Variants in MFSD6 observed in about 807,000 individuals in gnomAD.
The protein encoded by MFSD6 is major facilitator superfamily domain-containing protein 6.
A neutral mutation model predicts 56.3 loss-of-function variants in MFSD6; 26 were observed. The ratio of observed to expected loss-of-function variants is 0.46; its 90% confidence interval spans 0.34 to 0.64. The LOEUF is 0.64. MFSD6 is among the 30% of genes least tolerant of loss of function. The pLI is 0.01. For synonymous variants in MFSD6, 331 were observed against 366.9 expected, an observed-to-expected ratio of 0.90 and a Z score of 1.12; for missense variants, 750 against 986.2, an observed-to-expected ratio of 0.76 and a Z score of 3.21.
In MFSD6 at chr2:190,416,596, T is replaced by C. The variant is rs901012312; in HGVS notation, c.-54+1183T>C. On this transcript the variant is annotated intron_variant, in intron 2 of 7. Coordinates refer to ENST00000392328, the MANE Select transcript of MFSD6 (RefSeq NM_017694.4). This position sits in a 1 kb window ranked among gnomAD's most constrained non-coding sequence, Gnocchi z 4.1. ...AGCACAGATGGATGAAATACTAGCC[T>C]AGTTCAAGGGTGGTGCCAAATAATT... 3.9e-5 allele frequency among the ~76,000 whole-genome samples: 6 copies of C among 152,212 alleles called. No homozygotes were observed. Among genetic ancestry groups the C allele is most frequent in the African/African-American group, 1.4e-4 (6 of 41,446 alleles).
At position 190,494,732 on chromosome 2, in the gene MFSD6, G is replaced by T. The variant is rs764137625; in HGVS notation, c.1892-2707G>T. 2.6e-5 allele frequency among the ~76,000 whole-genome samples: 4 copies of T among 152,106 alleles called. No individual in the cohort carries two copies. The highest frequency in any genetic ancestry group is 1.3e-4 in the Admixed American group (2 of 15,258). ...ATAAATGTCTTTCACCACATAAACA[G>T]AATTAAAAACAAAAATCACATGATC... On this transcript the variant is annotated intron_variant, in intron 6 of 7. Coordinates refer to ENST00000392328, the MANE Select transcript of MFSD6 (RefSeq NM_017694.4). The surrounding 1 kb of genome is among the most constrained non-coding windows in gnomAD (Gnocchi z 5.7).
rs34375122 is a variant in MFSD6 at position 190,429,227 on chromosome 2, CGTGTGT to C, written c.-53-6733_-53-6728del. Among the ~76,000 whole-genome samples, 10 of 148,912 alleles carry C rather than the reference CGTGTGT, an allele frequency of 6.7e-5. No homozygotes were observed. In the East Asian group the frequency reaches 1.4e-3, roughly 21 times the overall value. On this transcript the variant is annotated intron_variant, in intron 2 of 7. Transcript: ENST00000392328. ...ATATATCTGTATAATTCTTTTGTTA[CGTGTGT>C]GTGTGTGTGTGTGTGTATACATATA...
rs1290592880 is a variant in MFSD6, at chr2:190,487,493, T to C, written c.1631-1164T>C. 6.6e-6 allele frequency among the ~76,000 whole-genome samples: 1 copy of C among 152,198 alleles called. No individual in the cohort carries two copies. The highest frequency in any genetic ancestry group is 6.5e-5 in the Admixed American group (1 of 15,272). On this transcript the variant is annotated intron_variant, in intron 4 of 7. Transcript: ENST00000392328. This position sits in a 1 kb window ranked among gnomAD's most constrained non-coding sequence, Gnocchi z 5.5. ...TGGGGAAAAGTAGAAATAATCTTAATGTCAAAGTAGGTGCCCTAGAATGGA... is the reference window on the plus strand; with the variant it reads ...TGGGGAAAAGTAGAAATAATCTTAACGTCAAAGTAGGTGCCCTAGAATGGA...
Position 190,425,214 on chromosome 2 carries a change from T to C in MFSD6, c.-54+9801T>C, listed in dbSNP as rs181050361. Among the ~76,000 whole-genome samples, 101 of 152,358 alleles carry C rather than the reference T, an allele frequency of 6.6e-4. No homozygotes were observed. Among genetic ancestry groups the C allele is most frequent in the African/African-American group, 2.4e-3 (99 of 41,586 alleles). ...CTTGTATCCTGTGAACTTGCTGAAC[T>C]CACTTATTAGTTCTAGAAGTTTATT... On this transcript the variant is annotated intron_variant, in intron 2 of 7. Coordinates refer to ENST00000392328, the MANE Select transcript of MFSD6 (RefSeq NM_017694.4). The surrounding 1 kb of genome is among the most constrained non-coding windows in gnomAD (Gnocchi z 4.3).
chr2:190,443,671 T>G lies in MFSD6; in HGVS notation c.1532+6110T>G, dbSNP rs1686467155. Reference sequence around the variant, plus strand: ...TTTCTGATGACCATAGATTTTCAAATGAAATGGAGTTATATCAAATTGGAA... The same window carrying G: ...TTTCTGATGACCATAGATTTTCAAAGGAAATGGAGTTATATCAAATTGGAA... On this transcript the variant is annotated intron_variant, in intron 3 of 7. Coordinates refer to ENST00000392328, the MANE Select transcript of MFSD6 (RefSeq NM_017694.4). This position sits in a 1 kb window ranked among gnomAD's most constrained non-coding sequence, Gnocchi z 4.2. Among the ~76,000 whole-genome samples, 2 of 152,230 alleles carry G rather than the reference T, an allele frequency of 1.3e-5. No individual in the cohort carries two copies. The highest frequency in any genetic ancestry group is 2.9e-5 in the Non-Finnish European group (2 of 68,050).
chr2:190,488,794 G>A lies in MFSD6; in HGVS notation c.1768G>A (p.Gly590Arg), dbSNP rs1250958313. 6 of 1,589,400 alleles carry A rather than the reference G, an allele frequency of 3.8e-6. No individual in the cohort carries two copies. Among genetic ancestry groups the A allele is most frequent in the Non-Finnish European group, 5.1e-6 (6 of 1,170,508 alleles). Residue 590 changes from glycine (G) to arginine (R), a missense_variant, in exon 5 of 8, where the codon GGA (glycine) becomes AGA (arginine). Transcript: ENST00000392328. The surrounding 1 kb of genome is among the most constrained non-coding windows in gnomAD (Gnocchi z 6.4). ...GLGRGCGAMI[G>R]GVLVNYFGAA... ...GGGAAGAGGATGTGGTGCCATGATC[G>A]GAGGCGTGTTAGTCAATTATTTTGG...
rs1470410546 is a variant in MFSD6, at chr2:190,443,152, G to T, written c.1532+5591G>T. ...ATCACCTGAGCCAGGAACCCTCTGTGGGTGTTCCTAGGTGGGCCTAAGACA... is the reference window on the plus strand; with the variant it reads ...ATCACCTGAGCCAGGAACCCTCTGTTGGTGTTCCTAGGTGGGCCTAAGACA... On this transcript the variant is annotated intron_variant, in intron 3 of 7. Transcript: ENST00000392328. This position sits in a 1 kb window ranked among gnomAD's most constrained non-coding sequence, Gnocchi z 4.2. 2.0e-5 allele frequency: 3 copies of T among 152,092 alleles called. No individual in the cohort carries two copies. Among genetic ancestry groups the T allele is most frequent in the Non-Finnish European group, 4.4e-5 (3 of 67,992 alleles). The allele number at this position is 152,092 out of a possible 1,614,324, so 9.4% of individuals were successfully genotyped here. A position where few individuals can be genotyped will look rare whatever the true frequency, so the allele number is the denominator to read the frequency against.
rs1270568937 is a variant in MFSD6, at chr2:190,436,708, C to G, written c.679C>G (p.Gln227Glu). ...AAACATGAACAGTGAACCCACTCTG[C>G]AGCCCCAGACAGGTGAAATTACTAA... ...APNMNSEPTL[Q>E]PQTGEITNRM... Residue 227 changes from glutamine to glutamate, a missense_variant, in exon 3 of 8, where the codon CAG becomes GAG. By Grantham distance (29) the Gln-to-Glu change is conservative. This residue lies in a region of MFSD6 where 376 missense variants were observed against 437.9 expected (regional missense o/e 0.86). Coordinates refer to ENST00000392328, the MANE Select transcript of MFSD6 (RefSeq NM_017694.4). The surrounding 1 kb of genome is among the most constrained non-coding windows in gnomAD (Gnocchi z 5.3). 6.2e-7 allele frequency: 1 copy of G among 1,614,090 alleles called. No individual in the cohort carries two copies. The highest frequency in any genetic ancestry group is 8.5e-7 in the Non-Finnish European group (1 of 1,180,050).
At position 190,488,671 on chromosome 2, in the gene MFSD6, G is replaced by C; in HGVS notation, c.1645G>C (p.Ala549Pro). Residue 549 changes from alanine to proline, a missense_variant, in exon 5 of 8, where the codon GCC (alanine) becomes CCC (proline). Around this residue, in one of 5 missense-constraint regions of MFSD6, gnomAD observed 125 missense variants for 223.1 expected, o/e 0.56. Coordinates refer to ENST00000392328, the MANE Select transcript of MFSD6 (RefSeq NM_017694.4). The surrounding 1 kb of genome is among the most constrained non-coding windows in gnomAD (Gnocchi z 6.4). ...TTCCTCTCCAGGAGTGACACACGCG[G>C]CCATCTGGGCAGCATGCATTTCTTA... ...MEVLQGVTHA[A>P]IWAACISYLS... is the part of the protein sequence containing the mutation. The C allele has an allele frequency of 3.9e-6, 6 of 1,557,060 alleles. No individual in the cohort carries two copies. Among genetic ancestry groups the C allele is most frequent in the Non-Finnish European group, 5.2e-6 (6 of 1,151,804 alleles).
In MFSD6 at chr2:190,495,548, T is replaced by G. The variant is rs1689624874; in HGVS notation, c.1892-1891T>G. On this transcript the variant is annotated intron_variant, in intron 6 of 7. Transcript: ENST00000392328. This position sits in a 1 kb window ranked among gnomAD's most constrained non-coding sequence, Gnocchi z 4.7. ...AGAGCCTGCATAGCCAAAGTGAGAC[T>G]AAGCAAAAAGAACAAATCTGGAGGC... 6.6e-6 allele frequency among the ~76,000 whole-genome samples: 1 copy of G among 152,158 alleles called. No individual in the cohort carries two copies. Among genetic ancestry groups the G allele is most frequent in the South Asian group, 2.1e-4 (1 of 4,834 alleles).
intron 3 of MFSD6, among the ~76,000 whole-genome samples, chr2:190,455,404 T>C (rs1365410323): frequency 6.6e-6 from 1 of 152,162 alleles, no homozygotes; most frequent in Non-Finnish European, 1.5e-5. Context: ...GAAAGCACCT[T>C]CTAAATTTCC....
Position 190,424,460 on chromosome 2 carries a change from C to T in MFSD6, c.-54+9047C>T, listed in dbSNP as rs373271626. On this transcript the variant is annotated intron_variant, in intron 2 of 7. Coordinates refer to ENST00000392328, the MANE Select transcript of MFSD6 (RefSeq NM_017694.4). This position sits in a 1 kb window ranked among gnomAD's most constrained non-coding sequence, Gnocchi z 5.9. ...AAGTGATTCTCCTGCCTCAGCCTCC[C>T]GAGTAGCTGGGATTACAGGCACATG... is the stretch of plus-strand genomic sequence containing the variant. Among the ~76,000 whole-genome samples, 3 of 152,018 alleles carry T rather than the reference C, an allele frequency of 2.0e-5. No homozygotes were observed. The highest frequency in any genetic ancestry group is 2.1e-4 in the South Asian group (1 of 4,804).
chr2:190,448,207 A>G (rs1559117302), intron 3 of MFSD6, among the ~76,000 whole-genome samples: 2 of 152,208 alleles, frequency 1.3e-5, no homozygotes, highest in African/African-American at 4.8e-5. Flanking sequence ...GGTTCCTGCA[A>G]ATTCCATTAC....
Position 190,489,743 on chromosome 2 carries a change from T to C in MFSD6, c.1793-25T>C. Reference sequence around the variant, plus strand: ...CTATCTGCATTTCTTGGAATTACTCTATAGAGTGCTGTTTGTTTTTATAGG... The same window carrying C: ...CTATCTGCATTTCTTGGAATTACTCCATAGAGTGCTGTTTGTTTTTATAGG... On this transcript the variant is annotated intron_variant, in intron 5 of 7. Transcript: ENST00000392328. The surrounding 1 kb of genome is among the most constrained non-coding windows in gnomAD (Gnocchi z 6.6). 2 of 1,602,258 alleles carry C rather than the reference T, an allele frequency of 1.2e-6. No homozygotes were observed. Among genetic ancestry groups the C allele is most frequent in the South Asian group, 2.2e-5 (2 of 90,300 alleles).
At chr2:190,419,938 C>G (rs866164880) in intron 2 of MFSD6, among the ~76,000 whole-genome samples, 7 of 152,276 alleles carry the variant, frequency 4.6e-5, no homozygotes, top group African/African-American at 1.7e-4. Context: ...AAAAAGTAAA[C>G]AAAGCCTTCC....
In MFSD6 at chr2:190,490,727, A is replaced by C. The variant is rs1256266270; in HGVS notation, c.1891+861A>C. ...ACTCAACTTTTTATGAAAAAGGTCA[A>C]CCAGGAGGATGAAAATATTTTTGCT... On this transcript the variant is annotated intron_variant, in intron 6 of 7. Transcript: ENST00000392328. The surrounding 1 kb of genome is among the most constrained non-coding windows in gnomAD (Gnocchi z 4.5). Among the ~76,000 whole-genome samples the C allele has an allele frequency of 6.6e-6, 1 of 152,238 alleles. No individual in the cohort carries two copies. The highest frequency in any genetic ancestry group is 2.4e-5 in the African/African-American group (1 of 41,460).
chr2:190,430,320 A>G (rs1685927288), intron 2 of MFSD6, among the ~76,000 whole-genome samples: 2 of 150,740 alleles, frequency 1.3e-5, no homozygotes, highest in South Asian at 2.1e-4. Context: ...GTGAACAAAG[A>G]TCTCTGGTTT....
In MFSD6 at chr2:190,459,420, G is replaced by T. The variant is rs554562404; in HGVS notation, c.1533-10338G>T. 2.0e-4 allele frequency among the ~76,000 whole-genome samples: 31 copies of T among 152,276 alleles called. No homozygotes were observed. The highest frequency in any genetic ancestry group is 3.7e-4 in the Non-Finnish European group (25 of 68,022). On this transcript the variant is annotated intron_variant, in intron 3 of 7. Transcript: ENST00000392328. This position sits in a 1 kb window ranked among gnomAD's most constrained non-coding sequence, Gnocchi z 5.3. ...TTCTTCTCAGGAAATTATAGTGTTT[G>T]TGTCATATGTATACCTTAAGCCATA...
Position 190,437,102 on chromosome 2 carries a change from A to T in MFSD6, c.1073A>T (p.Lys358Met). ...YTHIEVLIDG[K>M]GCKPPEYRNY... ...CACATCGAAGTGCTCATCGATGGAA[A>T]GGGGTGTAAGCCCCCCGAGTACAGG... Residue 358 changes from lysine to methionine, a missense_variant, in exon 3 of 8, where the codon AAG becomes ATG. Transcript: ENST00000392328. The surrounding 1 kb of genome is among the most constrained non-coding windows in gnomAD (Gnocchi z 5.9). 1.2e-6 allele frequency: 2 copies of T among 1,614,236 alleles called. No homozygotes were observed. Among genetic ancestry groups the T allele is most frequent in the South Asian group, 2.2e-5 (2 of 91,090 alleles).
Sources: allele counts gnomAD v4.1 joint callset (sites outside exome capture counted in the v4.1 genomes callset), GRCh38; gene constraint gnomAD v4.1.1; regional missense constraint gnomAD v4.1.1; non-coding constraint Gnocchi (gnomAD v3.1); transcripts MANE v1.5; gene names NCBI Gene and HGNC (gene_info 2026-07-23, HGNC 2026-07-21).